ADGRL3: variants seen among roughly 807,000 people sequenced by gnomAD.
ADGRL3 encodes adhesion G protein-coupled receptor L3, also known as calcium-independent alpha-latrotoxin receptor 3.
A neutral mutation model predicts 153.5 loss-of-function variants in ADGRL3; 62 were observed. The ratio of observed to expected loss-of-function variants is 0.40; its 90% CI spans 0.33 to 0.50. The LOEUF (loss-of-function observed/expected upper bound fraction) is 0.50, where lower values mean the gene tolerates loss of function less well. Among genes scored for constraint, ADGRL3 ranks in the 20% least tolerant of loss-of-function variants. The probability of loss-of-function intolerance (pLI) is 0.47; values close to 1 mark genes in which losing one functional copy is unlikely to be tolerated. For synonymous variants in ADGRL3, 710 were observed against 672.5 expected (o/e 1.06, Z -0.86); for missense variants, 1,641 against 1,859.4 (o/e 0.88, Z 2.16).
chr4:62,000,744 G>T (rs1046564785), intron 21 of ADGRL3, among the ~76,000 whole-genome samples: 7 of 151,558 alleles, frequency 4.6e-5, no homozygotes, highest in Admixed American at 3.3e-4. Flanking sequence ...TGTTAGAAGG[G>T]GTACAGAGGA....
intron 2 of ADGRL3, among the ~76,000 whole-genome samples, chr4:61,466,052 G>A (rs1347951853): frequency 6.6e-6 from 1 of 151,854 alleles, no homozygotes; most frequent in Non-Finnish European, 1.5e-5. Flanking sequence ...AACTCGGGAG[G>A]CGGATGTTGC....
intron 13 of ADGRL3, among the ~76,000 whole-genome samples, chr4:61,926,296 CTA>C (rs889799225): frequency 3.9e-5 from 6 of 152,144 alleles, no homozygotes; most frequent in Admixed American, 2.0e-4. Context: ...CCTGAATTTA[CTA>C]TGTTACTCAT....
At chr4:61,894,736 A>T (rs1406271941) in intron 10 of ADGRL3, among the ~76,000 whole-genome samples, 4 of 152,146 alleles carry the variant, frequency 2.6e-5, no homozygotes, top group African/African-American at 9.7e-5. Context: ...GCCTTTGTCT[A>T]GGCCCCCACA....
In ADGRL3 at chr4:61,502,026, G is replaced by A. The variant is rs1460388548; in HGVS notation, c.55+4678G>A. Among the ~76,000 whole-genome samples, 4 of 152,254 alleles carry A rather than the reference G, an allele frequency of 2.6e-5. No individual in the cohort carries two copies. In the East Asian group the frequency reaches 7.7e-4, roughly 29 times the overall value. ...TAAAGAGGAGCAGCTGAAGCAGATG[G>A]CCAGTTCTTTGCTCTGTACTACTGT... On this transcript the variant is annotated intron_variant, in intron 3 of 26. Coordinates refer to ENST00000683033, the MANE Select transcript of ADGRL3 (RefSeq NM_001387552.1).
chr4:61,932,892 T>G (rs1281047179), intron 13 of ADGRL3, among the ~76,000 whole-genome samples: 4 of 152,122 alleles, frequency 2.6e-5, no homozygotes, highest in Non-Finnish European at 5.9e-5. Context: ...TTTTTCCTGA[T>G]TTAGTCTTGG....
At chr4:61,432,242 A>G (rs1476862652) in intron 2 of ADGRL3, among the ~76,000 whole-genome samples, 1 of 152,188 alleles carries the variant, frequency 6.6e-6, no homozygotes, top group Non-Finnish European at 1.5e-5. Context: ...GTTAGTTATT[A>G]TGTCATATTA....
intron 9 of ADGRL3, among the ~76,000 whole-genome samples, chr4:61,847,433 TA>T (rs1460194454): frequency 6.7e-6 from 1 of 149,456 alleles, no homozygotes; most frequent in African/African-American, 2.5e-5. Context: ...AGTGCCATTT[TA>T]AAAAATGTCT....
chr4:61,677,233 C>T, intron 6 of ADGRL3: 1 of 323,488 alleles, frequency 3.1e-6, no homozygotes, highest in South Asian at 3.1e-5. Flanking sequence ...GAGTGTTATA[C>T]CAATTCTCCA....
chr4:61,667,838 T>G (rs1478323391), intron 5 of ADGRL3, among the ~76,000 whole-genome samples: 1 of 152,212 alleles, frequency 6.6e-6, no homozygotes, highest in East Asian at 1.9e-4. Context: ...TACATGCCTT[T>G]TAAGAAAAAT....
In ADGRL3 at chr4:61,996,302, G is replaced by A; in HGVS notation, c.3248G>A (p.Arg1083Gln). ...SYGTDKVCWL[R>Q]LDTYFIWSFI... Reference sequence around the variant, plus strand: ...GTGTTTCATTGCAGATGTTGGCTCCGACTTGACACCTACTTCATTTGGAGT... The same window carrying A: ...GTGTTTCATTGCAGATGTTGGCTCCAACTTGACACCTACTTCATTTGGAGT... The change falls in exon 20 of 27, where the codon CGA (arginine) becomes CAA (glutamine). Residue 1083 changes from arginine to glutamine, a missense_variant. This residue lies in a region of ADGRL3 where 32 missense variants were observed against 66.2 expected (regional missense o/e 0.48). Transcript: ENST00000683033. 2.5e-6 allele frequency: 4 copies of A among 1,612,784 alleles called. No individual in the cohort carries two copies. Among genetic ancestry groups the A allele is most frequent in the African/African-American group, 1.3e-5 (1 of 74,972 alleles).
intron 1 of ADGRL3, among the ~76,000 whole-genome samples, chr4:61,287,290 T>G (rs779546910): frequency 3.2e-4 from 48 of 151,936 alleles, no homozygotes; most frequent in Non-Finnish European, 5.9e-5. Context: ...TCTCTTTCTA[T>G]GCTGTGATAT....
At position 61,922,940 on chromosome 4, in the gene ADGRL3, T is replaced by C. The variant is rs2098776922; in HGVS notation, c.2112+10183T>C. On this transcript the variant is annotated intron_variant, in intron 13 of 26. Coordinates refer to ENST00000683033, the MANE Select transcript of ADGRL3 (RefSeq NM_001387552.1). ...TATGAGTAAATATGACCCATATGAG[T>C]AAATATGACCTTTTGATTACTTCAC... Among the ~76,000 whole-genome samples, 3 of 152,030 alleles carry C rather than the reference T, an allele frequency of 2.0e-5. No individual in the cohort carries two copies. In the South Asian group the frequency reaches 6.2e-4, roughly 32 times the overall value.
In ADGRL3 at chr4:61,219,415, G is replaced by A. The variant is rs1163358058; in HGVS notation, c.-240+17650G>A. On this transcript the variant is annotated intron_variant, in intron 1 of 26. Transcript: ENST00000683033. ...TATGTTTGTATTTTAAATGCTGTAT[G>A]AAAACCATAAAGCCAGATGTTGAAA... is the stretch of plus-strand genomic sequence containing the variant. Among the ~76,000 whole-genome samples, 5 of 152,166 alleles carry A rather than the reference G, an allele frequency of 3.3e-5. No homozygotes were observed. In the South Asian group the frequency reaches 8.3e-4, roughly 25 times the overall value.
At chr4:61,998,406 C>T (rs1581806924) in intron 21 of ADGRL3, 141 bp downstream of exon 21, 4 of 444,868 alleles carry the variant, frequency 9.0e-6, no homozygotes, top group Non-Finnish European at 1.6e-5. Flanking sequence ...TATTGATTGA[C>T]TATCAAAGTG....
chr4:61,791,661 G>T (rs1311177115), intron 8 of ADGRL3, among the ~76,000 whole-genome samples: 1 of 152,194 alleles, frequency 6.6e-6, no homozygotes, highest in African/African-American at 2.4e-5. Flanking sequence ...CTTCTGCACT[G>T]CCCTAGCAGA....
chr4:61,311,766 T>A (rs769429046), intron 1 of ADGRL3, among the ~76,000 whole-genome samples: 2 of 152,188 alleles, frequency 1.3e-5, no homozygotes, highest in East Asian at 1.9e-4. Flanking sequence ...AAAAAAGCCA[T>A]GCTTAGGGTA....
intron 1 of ADGRL3, among the ~76,000 whole-genome samples, chr4:61,309,154 A>G (rs1478447595): frequency 6.6e-6 from 1 of 152,192 alleles, no homozygotes; most frequent in African/African-American, 2.4e-5. Context: ...GAGGGCAGAA[A>G]ATGTTAAGAA....
chr4:61,468,964 G>T (rs576453424), intron 2 of ADGRL3, among the ~76,000 whole-genome samples: 2 of 152,194 alleles, frequency 1.3e-5, no homozygotes, highest in African/African-American at 4.8e-5. Flanking sequence ...TTCTTATTTT[G>T]TGTGTGTACC....
At chr4:62,032,557 AG>A (rs1257360308) in intron 23 of ADGRL3, among the ~76,000 whole-genome samples, 2 of 151,646 alleles carry the variant, frequency 1.3e-5, no homozygotes, top group Non-Finnish European at 3.0e-5. Context: ...AAATATTCAA[AG>A]AAATGGCTCT....
Sources: allele counts gnomAD v4.1 joint callset (sites outside exome capture counted in the v4.1 genomes callset), GRCh38; gene constraint gnomAD v4.1.1; regional missense constraint gnomAD v4.1.1; transcripts MANE v1.5; gene names NCBI Gene and HGNC (gene_info 2026-07-23, HGNC 2026-07-21).